The following L3MBTL4 variants were observed in gnomAD, a reference collection of about 807,000 sequenced individuals.
L3MBTL4 encodes L3MBTL histone methyl-lysine binding protein 4.
In L3MBTL4, 70 loss-of-function variants were observed where a neutral mutation model predicts 84.5. The ratio of observed to expected loss-of-function variants is 0.83; its 90% CI spans 0.68 to 1.01. L3MBTL4 has a LOEUF of 1.01. L3MBTL4 is among the 50% of genes least tolerant of loss of function. The probability of loss-of-function intolerance (pLI) is 0.00; values close to 1 mark genes in which losing one functional copy is unlikely to be tolerated. For synonymous variants in L3MBTL4, 274 were observed against 259.8 expected (o/e 1.05, Z -0.52); for missense variants, 715 against 754.8 (o/e 0.95, Z 0.62).
rs77068208 is a variant in L3MBTL4 at position 6,314,695 on chromosome 18, T to C, written c.-90-2639A>G. ...TGCATGTTGCCAAATACTAAGGAGATAAATTAGATTGATACTTAGAAAGCA... is the reference window on the plus strand; with the variant it reads ...TGCATGTTGCCAAATACTAAGGAGACAAATTAGATTGATACTTAGAAAGCA... On this transcript the variant is annotated intron_variant, in intron 1 of 18. Transcript: ENST00000317931. Among the ~76,000 whole-genome samples the C allele has an allele frequency of 4.8e-3, 726 of 152,348 alleles. 5 individuals are homozygous for C. Among genetic ancestry groups the C allele is most frequent in the African/African-American group, 0.017 (693 of 41,586 alleles).
At chr18:6,097,763 C>A (rs895580887) in intron 14 of L3MBTL4, among the ~76,000 whole-genome samples, 1 of 152,216 alleles carries the variant, frequency 6.6e-6, no homozygotes, top group South Asian at 2.1e-4. Context: ...ATCCCTGTTT[C>A]TAAATGTCTT....
intron 15 of L3MBTL4, among the ~76,000 whole-genome samples, chr18:6,082,863 G>T (rs562899392): frequency 6.6e-6 from 1 of 152,180 alleles, no homozygotes; most frequent in Admixed American, 6.5e-5. Flanking sequence ...CAAATCCTGT[G>T]AGTAGTTCAG....
At chr18:6,303,393 T>A (rs191583237) in intron 3 of L3MBTL4, among the ~76,000 whole-genome samples, 27 of 152,270 alleles carry the variant, frequency 1.8e-4, no homozygotes, top group Non-Finnish European at 2.6e-4. Context: ...AGTGCTGGGA[T>A]TACAGGCATG....
intron 16 of L3MBTL4, among the ~76,000 whole-genome samples, chr18:5,989,059 C>A (rs2145118849): frequency 6.6e-6 from 1 of 152,292 alleles, no homozygotes; most frequent in African/African-American, 2.4e-5. Context: ...AGTATGGAGA[C>A]AGAGAGGTGG....
At chr18:6,154,662 G>A (rs1433230791) in intron 13 of L3MBTL4, among the ~76,000 whole-genome samples, 1 of 152,254 alleles carries the variant, frequency 6.6e-6, no homozygotes, top group Middle Eastern at 3.4e-3. Flanking sequence ...GCTCAACAAC[G>A]CCAACTGTAC....
chr18:6,313,730 C>T (rs1027013364), intron 1 of L3MBTL4, among the ~76,000 whole-genome samples: 15 of 152,164 alleles, frequency 9.9e-5, no homozygotes, highest in African/African-American at 3.6e-4. Context: ...TCCTCACCAT[C>T]AAAAATGATC....
At chr18:5,961,766 T>C (rs2095264620) in intron 17 of L3MBTL4, among the ~76,000 whole-genome samples, 1 of 152,154 alleles carries the variant, frequency 6.6e-6, no homozygotes, top group African/African-American at 2.4e-5. Flanking sequence ...AGCTGTTTGT[T>C]GGGCTAATAC....
intron 16 of L3MBTL4, among the ~76,000 whole-genome samples, chr18:5,970,495 T>C (rs553357403): frequency 1.3e-5 from 2 of 152,204 alleles, no homozygotes; most frequent in South Asian, 4.1e-4. Context: ...AGTTTAAATC[T>C]ACAAATGGAT....
At chr18:6,027,793 A>G (rs529832417) in intron 16 of L3MBTL4, among the ~76,000 whole-genome samples, 1 of 152,298 alleles carries the variant, frequency 6.6e-6, no homozygotes, top group South Asian at 2.1e-4. Context: ...ACCAGTGATG[A>G]TAAGCTTTTT....
chr18:6,183,279 A>T (rs1052478447), intron 12 of L3MBTL4, among the ~76,000 whole-genome samples: 5 of 152,174 alleles, frequency 3.3e-5, no homozygotes, highest in Non-Finnish European at 7.3e-5. Context: ...AACCAGTGTA[A>T]AGACAAATGA....
chr18:6,362,655 A>T (rs778921741), intron 1 of L3MBTL4, among the ~76,000 whole-genome samples: 2 of 152,226 alleles, frequency 1.3e-5, no homozygotes, highest in Non-Finnish European at 2.9e-5. Flanking sequence ...GCACCCAAGT[A>T]TCTCTGACTT....
chr18:6,014,131 T>C (rs2054856120), intron 16 of L3MBTL4, among the ~76,000 whole-genome samples: 1 of 152,236 alleles, frequency 6.6e-6, no homozygotes, highest in South Asian at 2.1e-4. Context: ...CTGCTTCTTC[T>C]GCCTCCTATG....
intron 13 of L3MBTL4, among the ~76,000 whole-genome samples, chr18:6,159,594 T>C (rs1417295284): frequency 2.0e-5 from 3 of 152,136 alleles, no homozygotes; most frequent in African/African-American, 7.2e-5. Context: ...AGTGTTCCCA[T>C]CATAAACAAG....
intron 4 of L3MBTL4, among the ~76,000 whole-genome samples, chr18:6,295,216 G>A (rs1212043801): frequency 3.3e-5 from 5 of 151,736 alleles, no homozygotes; most frequent in African/African-American, 1.2e-4. Context: ...AAGTTGCAAT[G>A]AGCCGGGATA....
At chr18:6,101,875 A>G (rs190602901) in intron 14 of L3MBTL4, among the ~76,000 whole-genome samples, 1 of 152,188 alleles carries the variant, frequency 6.6e-6, no homozygotes, top group Admixed American at 6.5e-5. Flanking sequence ...ACTTGTTATA[A>G]ATATGTGCCC....
rs138114374 is a variant in L3MBTL4 at position 6,107,547 on chromosome 18, G to C, written c.1200-14019C>G. On this transcript the variant is annotated intron_variant, in intron 14 of 18. Transcript: ENST00000317931. ...CTGAACACACTCTACAAAAATAGTGGTACTTGGAAGCTTAATAAATTTGGG... is the reference window on the plus strand; with the variant it reads ...CTGAACACACTCTACAAAAATAGTGCTACTTGGAAGCTTAATAAATTTGGG... 1.1e-4 allele frequency among the ~76,000 whole-genome samples: 17 copies of C among 152,264 alleles called. No homozygotes were observed. The East Asian group carries it at 2.3e-3, about 21-fold the overall frequency.
chr18:6,365,458 A>C (rs1727722524), intron 1 of L3MBTL4, among the ~76,000 whole-genome samples: 1 of 152,250 alleles, frequency 6.6e-6, no homozygotes, highest in African/African-American at 2.4e-5. Context: ...CTTTATCCTC[A>C]GAAGAAATAA....
chr18:6,406,329 T>C (rs1270841096), intron 1 of L3MBTL4, among the ~76,000 whole-genome samples: 2 of 152,230 alleles, frequency 1.3e-5, no homozygotes, highest in East Asian at 1.9e-4. Flanking sequence ...TGGCCAGTCA[T>C]GGCAAGAAAG....
At chr18:6,041,462 C>CTTTTTT (rs34117389) in intron 16 of L3MBTL4, among the ~76,000 whole-genome samples, 11 of 124,114 alleles carry the variant, frequency 8.9e-5, no homozygotes, top group Non-Finnish European at 1.2e-4. Flanking sequence ...CTGAAATTGA[C>CTTTTTT]TTTTTTTTTT....
Sources: gnomAD v4.1 joint callset for allele counts (sites outside exome capture counted in the v4.1 genomes callset) on GRCh38, gnomAD v4.1.1 for gene constraint, MANE v1.5 for transcripts, NCBI Gene and HGNC (gene_info 2026-07-23, HGNC 2026-07-21) for gene names.